PIGR: variants seen among roughly 807,000 people sequenced by gnomAD.
PIGR encodes hepatocellular carcinoma associated protein TB6.
A neutral mutation model predicts 69.5 loss-of-function variants in PIGR; 22 were observed. The observed-to-expected ratio is 0.32, with a 90% confidence interval of 0.23 to 0.45. The LOEUF is 0.45. PIGR is among the 20% of genes least tolerant of loss of function. PIGR has a pLI of 1.00. For synonymous variants in PIGR, 413 were observed against 407.6 expected, an observed-to-expected ratio of 1.01 and a Z score of -0.16; for missense variants, 885 against 974.0, an observed-to-expected ratio of 0.91 and a Z score of 1.22.
intron 4 of PIGR, among the ~76,000 whole-genome samples, chr1:206,936,114 C>G (rs1243579034): frequency 1.3e-5 from 2 of 152,212 alleles, no homozygotes; most frequent in Non-Finnish European, 2.9e-5. Context: ...AGGATATCAG[C>G]TCTTCTTTGG....
At chr1:206,931,294 G>T (rs1298333594) in intron 10 of PIGR, 1 of 1,451,022 alleles carries the variant, frequency 6.9e-7, no homozygotes, top group Non-Finnish European at 9.0e-7. Flanking sequence ...CCTCCTTCCT[G>T]GGCCTTATCC....
intron 6 of PIGR, among the ~76,000 whole-genome samples, chr1:206,933,909 G>C (rs1277660115): frequency 6.8e-6 from 1 of 147,994 alleles, no homozygotes; most frequent in East Asian, 2.0e-4. Context: ...TAGCTCTGTT[G>C]CCTAGGCTAG....
At position 206,943,140 on chromosome 1, in the gene PIGR, A is replaced by G. The variant is rs553193631; in HGVS notation, c.-53-2556T>C. Among the ~76,000 whole-genome samples, 106 of 152,320 alleles carry G rather than the reference A, an allele frequency of 7.0e-4. 1 individual carries two copies. Among genetic ancestry groups the G allele is most frequent in the African/African-American group, 2.5e-3 (106 of 41,574 alleles). ...AAAGGATTTGCTTAAGGAAGGAAGA[A>G]AAAGAACATAATGTTGGGCACCTGC... On this transcript the variant is annotated intron_variant, in intron 1 of 10. Coordinates refer to ENST00000356495, the MANE Select transcript of PIGR (RefSeq NM_002644.4).
At chr1:206,939,570 G>T in intron 2 of PIGR, 107 bp from the exon 3 acceptor site, 1 of 683,884 alleles carries the variant, frequency 1.5e-6, no homozygotes, top group African/African-American at 1.8e-5. Flanking sequence ...CGTAGGCCCT[G>T]TGTTGATAAT....
At chr1:206,939,542 G>A (rs953494325) in intron 2 of PIGR, 79 bp from the exon 3 acceptor site, 3 of 987,616 alleles carry the variant, frequency 3.0e-6, no homozygotes, top group African/African-American at 1.6e-5. Flanking sequence ...ATGAGTAGAT[G>A]TGGTTTTCTA....
chr1:206,931,266 G>A (rs1033161339), intron 10 of PIGR: 10 of 985,250 alleles, frequency 1.0e-5, no homozygotes, highest in African/African-American at 3.5e-5. Context: ...CAGTTTTACA[G>A]CCTAATCATA....
At chr1:206,940,646 A>T (rs1272156804) in intron 1 of PIGR, 62 bp from the exon 2 acceptor site, 3 of 1,053,212 alleles carry the variant, frequency 2.8e-6, no homozygotes, top group Non-Finnish European at 4.0e-6. Context: ...AGTTGACCTT[A>T]GAGTTTCTGT....
At position 206,937,214 on chromosome 1, in the gene PIGR, C is replaced by A. The variant is rs1320385767; in HGVS notation, c.926G>T (p.Ser309Ile). ...CTTCCTCAGGCCTGTGATCACCACA[C>A]TGAATGAGCCATCCTTGTCCTGGGG... ...LNPQDKDGSF[S>I]VVITGLRKED... Residue 309 changes from serine to isoleucine, a missense_variant, in exon 4 of 11, where the codon AGT becomes ATT. Transcript: ENST00000356495. 1.2e-6 allele frequency: 2 copies of A among 1,614,102 alleles called. No individual in the cohort carries two copies. The highest frequency in any genetic ancestry group is 2.7e-5 in the African/African-American group (2 of 74,938).
chr1:206,933,448 G>A (rs972363682), intron 6 of PIGR, among the ~76,000 whole-genome samples: 3 of 152,104 alleles, frequency 2.0e-5, no homozygotes, highest in Non-Finnish European at 2.9e-5. Flanking sequence ...ACTTATGCCC[G>A]GGAGATTTTC....
intron 10 of PIGR, chr1:206,931,274 A>G (rs1679741655): frequency 1.0e-6 from 1 of 985,386 alleles, no homozygotes. Flanking sequence ...CAGCCTAATC[A>G]TATAGCTCAC....
rs1371164953 is a variant in PIGR at position 206,934,507 on chromosome 1, C to T, written c.1618G>A (p.Gly540Ser). ...TLNLVTRADEGWYWCGVKQGH... is the reference protein window; with the variant it reads ...TLNLVTRADESWYWCGVKQGH... ...TGCTTCACTCCACACCAGTACCAGC[C>T]CTCATCAGCCCTGGTCACCAGGTTC... Residue 540 changes from glycine (G) to serine (S), a missense_variant, in exon 6 of 11, where the codon GGC becomes AGC. Physicochemically the swap from Gly to Ser is moderately conservative, Grantham distance 56. Transcript: ENST00000356495. The T allele has an allele frequency of 1.2e-6, 2 of 1,614,188 alleles. No individual in the cohort carries two copies. Among genetic ancestry groups the T allele is most frequent in the Non-Finnish European group, 1.7e-6 (2 of 1,180,000 alleles).
intron 1 of PIGR, among the ~76,000 whole-genome samples, chr1:206,945,294 C>T (rs1230688671): frequency 2.0e-5 from 3 of 152,140 alleles, no homozygotes; most frequent in African/African-American, 7.2e-5. Flanking sequence ...AAAGTGATGG[C>T]ACAAAATAGG....
At chr1:206,943,159 C>G (rs1294646214) in intron 1 of PIGR, among the ~76,000 whole-genome samples, 2 of 152,142 alleles carry the variant, frequency 1.3e-5, no homozygotes, top group Non-Finnish European at 2.9e-5. Flanking sequence ...TAATGTTGGG[C>G]ACCTGCTACG....
rs1679933986 is a variant in PIGR at position 206,939,280 on chromosome 1, C to A, written c.227G>T (p.Ser76Ile). The change falls in exon 3 of 11, where the codon AGC becomes ATC. Residue 76 changes from serine to isoleucine, a missense_variant. Ser to Ile is a moderately radical substitution (Grantham distance 142). Transcript: ENST00000356495. ...TLISSEGYVS[S>I]KYAGRANLTN... ...GAGGTTAGCCCTGCCTGCATATTTG[C>A]TGGAGACGTAGCCCTCCGAGGAGAT... 6.2e-7 allele frequency: 1 copy of A among 1,614,110 alleles called. No individual in the cohort carries two copies. The highest frequency in any genetic ancestry group is 8.5e-7 in the Non-Finnish European group (1 of 1,180,056).
In PIGR at chr1:206,932,469, G is replaced by T; in HGVS notation, c.1995C>A (p.His665Gln). 1 of 1,611,950 alleles carries T rather than the reference G, an allele frequency of 6.2e-7. No individual in the cohort carries two copies. The highest frequency in any genetic ancestry group is 8.5e-7 in the Non-Finnish European group (1 of 1,179,664). The change falls in exon 8 of 11, where the codon CAC (histidine) becomes CAA (glutamine). Residue 665 changes from histidine (H) to glutamine (Q), a missense_variant. Physicochemically the swap from His to Gln is conservative, Grantham distance 24. Coordinates refer to ENST00000356495, the MANE Select transcript of PIGR (RefSeq NM_002644.4). ...CCAGGGACTCACCGACGTTCTTCCT[G>T]TGCCGGGCTCTGGCCACCCCCACAG... ...AVAVGVARAR[H>Q]RKNVDRVSIR...
At chr1:206,943,983 T>C (rs897657742) in intron 1 of PIGR, among the ~76,000 whole-genome samples, 2 of 152,192 alleles carry the variant, frequency 1.3e-5, no homozygotes, top group Non-Finnish European at 2.9e-5. Flanking sequence ...TTGCCCAAGG[T>C]TGCACAGTTG....
chr1:206,939,876 G>A (rs998878040), intron 2 of PIGR, among the ~76,000 whole-genome samples: 1 of 152,086 alleles, frequency 6.6e-6, no homozygotes, highest in Non-Finnish European at 1.5e-5. Context: ...ACAGGTGCAT[G>A]CTAGCTAATT....
rs1368863869 is a variant in PIGR at position 206,930,397 on chromosome 1, G to A, written c.2216C>T (p.Ala739Val). ...CAGGAAGTCTTTGTAGGCCATCTCG[G>A]CTTCCTCCTTGGATGACTAAGGGGC... is the stretch of plus-strand genomic sequence containing the variant. ...KKAKRSSKEEAEMAYKDFLLQ... is the reference protein window; with the variant it reads ...KKAKRSSKEEVEMAYKDFLLQ... The change falls in exon 11 of 11, where the codon GCC becomes GTC. Residue 739 changes from alanine to valine, a missense_variant. Ala to Val is a moderately conservative substitution (Grantham distance 64, BLOSUM62 0). Coordinates refer to ENST00000356495, the MANE Select transcript of PIGR (RefSeq NM_002644.4). This position sits in a 1 kb window ranked among gnomAD's most constrained non-coding sequence, Gnocchi z 4.3. 6.2e-7 allele frequency: 1 copy of A among 1,613,136 alleles called. No individual in the cohort carries two copies. Among genetic ancestry groups the A allele is most frequent in the Non-Finnish European group, 8.5e-7 (1 of 1,179,568 alleles).
At position 206,937,628 on chromosome 1, in the gene PIGR, A is replaced by G. The variant is rs1386446714; in HGVS notation, c.512T>C (p.Leu171Pro). ...KRKSLYKQIG[L>P]YPVLVIDSSG... ...GGAGTCGATGACCAGCACAGGGTAC[A>G]GGCCTATCTGCTTGTACAAGGACTT... The change falls in exon 4 of 11, where the codon CTG (leucine) becomes CCG (proline). Residue 171 changes from leucine (L) to proline (P), a missense_variant. Physicochemically the swap from Leu to Pro is moderately conservative, Grantham distance 98 (BLOSUM62 -3). Transcript: ENST00000356495. 1.2e-6 allele frequency: 2 copies of G among 1,613,840 alleles called. No homozygotes were observed. The highest frequency in any genetic ancestry group is 3.3e-5 in the Admixed American group (2 of 59,950).
Sources: allele counts gnomAD v4.1 joint callset (sites outside exome capture counted in the v4.1 genomes callset), GRCh38; gene constraint gnomAD v4.1.1; non-coding constraint Gnocchi (gnomAD v3.1); transcripts MANE v1.5; gene names NCBI Gene and HGNC (gene_info 2026-07-23, HGNC 2026-07-21).